Variants in PRKCE observed in about 807,000 individuals in gnomAD.
PRKCE encodes the protein protein kinase C epsilon type.
Under a neutral mutation model 85.4 loss-of-function variants are expected in PRKCE, and 16 were observed. That is an observed-to-expected ratio of 0.19 (90% confidence interval 0.13 to 0.28). The LOEUF (loss-of-function observed/expected upper bound fraction) is 0.28, where lower values mean the gene tolerates loss of function less well. Among genes scored for constraint, PRKCE ranks in the 10% least tolerant of loss-of-function variants. The pLI is 1.00. For missense variants in PRKCE, 573 were observed against 975.2 expected (o/e 0.59, Z 5.49); for synonymous variants, 388 against 371.5 (o/e 1.04, Z -0.51).
At chr2:45,743,441 G>A (rs535627670) in intron 1 of PRKCE, among the ~76,000 whole-genome samples, 26 of 152,240 alleles carry the variant, frequency 1.7e-4, no homozygotes, top group African/African-American at 5.8e-4. Flanking sequence ...CCTGATGGAA[G>A]TCTTTCTCTC....
chr2:45,992,872 A>G (rs1034986342), intron 6 of PRKCE, among the ~76,000 whole-genome samples: 1 of 141,650 alleles, frequency 7.1e-6, no homozygotes, highest in Non-Finnish European at 1.5e-5. Flanking sequence ...GTGTCCCCAG[A>G]CAACACTGCT....
rs963893763 is a variant in PRKCE, at chr2:45,992,922, T to C, written c.823+8242T>C. On this transcript the variant is annotated intron_variant, in intron 6 of 14. Coordinates refer to ENST00000306156, the MANE Select transcript of PRKCE (RefSeq NM_005400.3). ...CAGCACATAGTAGGTCCTCAACAAA[T>C]GTGTGGTGAATAGCTGGGTAGTAGT... is the stretch of plus-strand genomic sequence containing the variant. 3.9e-5 allele frequency among the ~76,000 whole-genome samples: 6 copies of C among 152,142 alleles called. No individual in the cohort carries two copies. In the East Asian group the frequency reaches 5.8e-4, roughly 15 times the overall value.
At chr2:45,761,193 G>T (rs771759672) in intron 1 of PRKCE, among the ~76,000 whole-genome samples, 1 of 151,922 alleles carries the variant, frequency 6.6e-6, no homozygotes, top group Non-Finnish European at 1.5e-5. Context: ...CGAGTGTGGT[G>T]GTGGGCGCCT....
At position 45,721,653 on chromosome 2, in the gene PRKCE, G is replaced by C. The variant is rs907059550; in HGVS notation, c.348+69205G>C. 9.9e-5 allele frequency among the ~76,000 whole-genome samples: 15 copies of C among 152,244 alleles called. 1 individual carries two copies. Among genetic ancestry groups the C allele is most frequent in the African/African-American group, 2.9e-4 (12 of 41,540 alleles). On this transcript the variant is annotated intron_variant, in intron 1 of 14. Coordinates refer to ENST00000306156, the MANE Select transcript of PRKCE (RefSeq NM_005400.3). ...TCTGGAGGCTGAGGCTGAGGCAGAA[G>C]GATCGCTTGAGACCAGTAGTTAGAG...
chr2:45,816,961 C>T (rs1488582625), intron 1 of PRKCE, among the ~76,000 whole-genome samples: 1 of 152,070 alleles, frequency 6.6e-6, no homozygotes, highest in Admixed American at 6.5e-5. Flanking sequence ...CCATTGTGAA[C>T]TTATAATAAC....
At chr2:45,722,574 C>T (rs1680710554) in intron 1 of PRKCE, among the ~76,000 whole-genome samples, 1 of 152,172 alleles carries the variant, frequency 6.6e-6, no homozygotes, top group Admixed American at 6.5e-5. Flanking sequence ...TTGGATCTCC[C>T]TTCGGAAATG....
rs75761335 is a variant in PRKCE at position 45,955,579 on chromosome 2, G to C, written c.413-20850G>C. 9.3e-3 allele frequency among the ~76,000 whole-genome samples: 1,413 copies of C among 152,284 alleles called. 23 individuals are homozygous for C. The highest frequency in any genetic ancestry group is 0.032 in the African/African-American group (1,327 of 41,550). On this transcript the variant is annotated intron_variant, in intron 2 of 14. Transcript: ENST00000306156. ...CTAACCTGTAGTCCCAGCTACTTCAGAGTTTGAGGCAGAAGGATCGCTTGA... is the reference window on the plus strand; with the variant it reads ...CTAACCTGTAGTCCCAGCTACTTCACAGTTTGAGGCAGAAGGATCGCTTGA...
chr2:46,061,391 G>A (rs982721243), intron 10 of PRKCE, among the ~76,000 whole-genome samples: 6 of 152,070 alleles, frequency 3.9e-5, no homozygotes, highest in African/African-American at 1.2e-4. Context: ...GGTTACAGGC[G>A]TGAGCCATGG....
chr2:46,183,555 G>T (rs1403913898), intron 14 of PRKCE, among the ~76,000 whole-genome samples: 1 of 152,160 alleles, frequency 6.6e-6, no homozygotes, highest in East Asian at 1.9e-4. Context: ...CTGTGCTGTG[G>T]GGGAGAGGGG....
intron 1 of PRKCE, among the ~76,000 whole-genome samples, chr2:45,820,493 T>C (rs1281649516): frequency 6.6e-6 from 1 of 151,956 alleles, no homozygotes; most frequent in Non-Finnish European, 1.5e-5. Flanking sequence ...GAGGGCAATA[T>C]GGCTGAGGCA....
chr2:45,862,749 T>C (rs1343577932), intron 2 of PRKCE, among the ~76,000 whole-genome samples: 1 of 152,094 alleles, frequency 6.6e-6, no homozygotes, highest in Non-Finnish European at 1.5e-5. Context: ...AGCTCTATTC[T>C]GCTCCCCAAG....
chr2:45,853,387 GA>G (rs1199800666), intron 2 of PRKCE, among the ~76,000 whole-genome samples: 1 of 152,156 alleles, frequency 6.6e-6, no homozygotes, highest in African/African-American at 2.4e-5. Context: ...AACCAGTCAG[GA>G]TATTGAATTT....
At chr2:45,977,586 G>A (rs1015575840) in intron 3 of PRKCE, among the ~76,000 whole-genome samples, 1 of 151,532 alleles carries the variant, frequency 6.6e-6, no homozygotes, top group South Asian at 2.1e-4. Flanking sequence ...GCAGTGAGCC[G>A]AGATCGCTAT....
intron 1 of PRKCE, among the ~76,000 whole-genome samples, chr2:45,761,341 A>AAG (rs1684481693): frequency 7.1e-6 from 1 of 140,116 alleles, no homozygotes; most frequent in African/African-American, 2.6e-5. Flanking sequence ...AAAAAAAAAA[A>AAG]AAAAAAAAAT....
At chr2:46,119,105 G>T (rs1002943378) in intron 11 of PRKCE, among the ~76,000 whole-genome samples, 3 of 152,170 alleles carry the variant, frequency 2.0e-5, no homozygotes, top group Non-Finnish European at 4.4e-5. Flanking sequence ...TAAGTAGGCA[G>T]ATTTGTGGGG....
At chr2:45,947,402 T>C (rs575414544) in intron 2 of PRKCE, among the ~76,000 whole-genome samples, 6 of 152,260 alleles carry the variant, frequency 3.9e-5, no homozygotes, top group African/African-American at 1.4e-4. Flanking sequence ...TAAAATTGAC[T>C]GTAGGGATGA....
rs79694316 is a variant in PRKCE, at chr2:45,861,754, G to A, written c.412+18691G>A. On this transcript the variant is annotated intron_variant, in intron 2 of 14. Transcript: ENST00000306156. ...TGAACCTGCCTAGGTAGTGCACAAAGTGCCAGGTCAAAACAGCAGAATATT... is the reference window on the plus strand; with the variant it reads ...TGAACCTGCCTAGGTAGTGCACAAAATGCCAGGTCAAAACAGCAGAATATT... 9.7e-3 allele frequency among the ~76,000 whole-genome samples: 1,481 copies of A among 152,304 alleles called. 25 individuals carry two copies. The highest frequency in any genetic ancestry group is 0.033 in the African/African-American group (1,379 of 41,552).
At chr2:45,952,668 A>G (rs1439342994) in intron 2 of PRKCE, among the ~76,000 whole-genome samples, 1 of 152,238 alleles carries the variant, frequency 6.6e-6, no homozygotes, top group Non-Finnish European at 1.5e-5. Context: ...CACTCACCAC[A>G]GGATTCCCTT....
intron 2 of PRKCE, among the ~76,000 whole-genome samples, chr2:45,913,571 GA>G (rs1697536039): frequency 6.6e-6 from 1 of 152,214 alleles, no homozygotes; most frequent in Non-Finnish European, 1.5e-5. Context: ...GTACCTTTGA[GA>G]GCTGCTTCAA....
Sources: allele counts gnomAD v4.1 joint callset (sites outside exome capture counted in the v4.1 genomes callset), GRCh38; gene constraint gnomAD v4.1.1; transcripts MANE v1.5; gene names NCBI Gene and HGNC (gene_info 2026-07-23, HGNC 2026-07-21).